Variants in CNOT4 observed in about 807,000 individuals in gnomAD.
CNOT4 encodes the protein CCR4-NOT transcription complex subunit 4.
A neutral mutation model predicts 73.8 loss-of-function variants in CNOT4; 8 were observed. That is an observed-to-expected ratio of 0.11 (90% CI 0.06 to 0.20). The LOEUF is 0.20. Among genes scored for constraint, CNOT4 ranks in the 10% least tolerant of loss-of-function variants. The pLI, the probability that CNOT4 is intolerant of heterozygous loss-of-function variation, is 1.00. For missense variants in CNOT4, 564 were observed against 883.4 expected (o/e 0.64, Z 4.58); for synonymous variants, 293 against 321.1 (o/e 0.91, Z 0.94).
At chr7:135,404,323 T>C (rs113936752) in intron 7 of CNOT4, among the ~76,000 whole-genome samples, 5,288 of 152,296 alleles carry the variant, frequency 0.035, 310 homozygotes, top group African/African-American at 0.12. Flanking sequence ...CACCTGACCA[T>C]AGTTTGAGAA....
chr7:135,364,012 C>T lies in CNOT4; in HGVS notation c.1682G>A (p.Arg561Lys), dbSNP rs1794781304. The T allele has an allele frequency of 6.3e-7, 1 of 1,598,124 alleles. No homozygotes were observed. Among genetic ancestry groups the T allele is most frequent in the African/African-American group, 1.3e-5 (1 of 74,794 alleles). Residue 561 changes from arginine (R) to lysine (K), a missense_variant, in exon 11 of 12, where the codon AGG (arginine) becomes AAG (lysine). This residue lies in a region of CNOT4 where 3 missense variants were observed against 20.0 expected (regional missense o/e 0.15). Transcript: ENST00000541284. The surrounding 1 kb of genome is among the most constrained non-coding windows in gnomAD (Gnocchi z 4.3). ...LNMKEWQDGL[R>K]ALLPNININF... ...GATGTTAATGTTGGGTAGAAGTGCCCTTAGCCCGTCCTGCCATTCCTTCAT... is the reference window on the plus strand; with the variant it reads ...GATGTTAATGTTGGGTAGAAGTGCCTTTAGCCCGTCCTGCCATTCCTTCAT...
chr7:135,363,283 C>T lies in CNOT4; in HGVS notation c.1841-97G>A. 9.5e-7 allele frequency: 1 copy of T among 1,050,736 alleles called. No individual in the cohort carries two copies. Among genetic ancestry groups the T allele is most frequent in the East Asian group, 2.4e-5 (1 of 41,930 alleles). 65.1% of individuals were successfully genotyped at this position (1,050,736 alleles called of 1,614,324 possible). Reference sequence around the variant, plus strand: ...TAGAAAGCAAAACCAAAAGGAAAGACAGAAGAGATTACAATTTTAAACTCC... The same window carrying T: ...TAGAAAGCAAAACCAAAAGGAAAGATAGAAGAGATTACAATTTTAAACTCC... On this transcript the variant is annotated intron_variant, in intron 11 of 11. Coordinates refer to ENST00000541284, the MANE Select transcript of CNOT4 (RefSeq NM_001190850.2). The surrounding 1 kb of genome is among the most constrained non-coding windows in gnomAD (Gnocchi z 4.3).
intron 1 of CNOT4, among the ~76,000 whole-genome samples, chr7:135,439,336 T>C (rs1487589183): frequency 6.6e-6 from 1 of 152,206 alleles, no homozygotes; most frequent in African/African-American, 2.4e-5. Flanking sequence ...AATAAATGCA[T>C]GAGAATCATT....
chr7:135,389,008 G>A (rs1248044227), intron 10 of CNOT4: 3 of 982,662 alleles, frequency 3.1e-6, no homozygotes, highest in Non-Finnish European at 4.4e-6. Context: ...CATGCTTAAT[G>A]TTTGGAATCC....
intron 1 of CNOT4, among the ~76,000 whole-genome samples, chr7:135,492,080 A>G (rs927751728): frequency 6.6e-6 from 1 of 152,192 alleles, no homozygotes; most frequent in African/African-American, 2.4e-5. Flanking sequence ...TGAAGTAGAA[A>G]TCAGGTCCAT....
chr7:135,459,569 G>T (rs184344435), intron 1 of CNOT4, among the ~76,000 whole-genome samples: 2 of 152,316 alleles, frequency 1.3e-5, no homozygotes, highest in East Asian at 3.9e-4. Context: ...TATCCTTGGA[G>T]GACTTGCTCC....
At position 135,508,452 on chromosome 7, in the gene CNOT4, C is replaced by A. The variant is rs577443571; in HGVS notation, c.-93+1437G>T. ...ACAGCTTTGTCATTCTTTTCCCAGC[C>A]CCCTTCTTTTCTATGAGAAAAATAC... On this transcript the variant is annotated intron_variant, in intron 1 of 11. Transcript: ENST00000541284. Among the ~76,000 whole-genome samples the A allele has an allele frequency of 1.8e-4, 28 of 152,296 alleles. 1 individual carries two copies. The highest frequency in any genetic ancestry group is 3.1e-4 in the Non-Finnish European group (21 of 68,022).
chr7:135,376,033 A>T (rs1198772025), intron 10 of CNOT4, among the ~76,000 whole-genome samples: 1 of 152,104 alleles, frequency 6.6e-6, no homozygotes, highest in African/African-American at 2.4e-5. Flanking sequence ...GAGGAAAAAA[A>T]AAAAAGAAAG....
chr7:135,459,925 C>T (rs768318581), intron 1 of CNOT4, among the ~76,000 whole-genome samples: 13 of 152,246 alleles, frequency 8.5e-5, no homozygotes, highest in Non-Finnish European at 1.6e-4. Flanking sequence ...GGACAACTGA[C>T]TACAGTTTCT....
chr7:135,394,088 T>G lies in CNOT4; in HGVS notation c.1457A>C (p.Tyr486Ser). 1 of 1,614,176 alleles carries G rather than the reference T, an allele frequency of 6.2e-7. No homozygotes were observed. Among genetic ancestry groups the G allele is most frequent in the African/African-American group, 1.3e-5 (1 of 75,044 alleles). The change falls in exon 10 of 12, where the codon TAT becomes TCT. Residue 486 changes from tyrosine (Y) to serine (S), a missense_variant. This residue lies in a region of CNOT4 where 153 missense variants were observed against 158.7 expected (regional missense o/e 0.96). Coordinates refer to ENST00000541284, the MANE Select transcript of CNOT4 (RefSeq NM_001190850.2). ...FPQFQQHRAV[Y>S]NSFSFPGQAA... ...CTGGCCTGGAAAACTGAATGAATTA[T>G]AAACCGCTCGGTGCTGCTGAAATTG... is the stretch of plus-strand genomic sequence containing the variant.
At chr7:135,472,559 A>ATATATATATAG (rs1585699249) in intron 1 of CNOT4, among the ~76,000 whole-genome samples, 1 of 104,230 alleles carries the variant, frequency 9.6e-6, no homozygotes, top group African/African-American at 3.6e-5. Context: ...ATATATATAT[A>ATATATATATAG]AAGTGATCCT....
intron 1 of CNOT4, among the ~76,000 whole-genome samples, chr7:135,476,364 A>G (rs1801995111): frequency 1.3e-5 from 2 of 152,202 alleles, no homozygotes; most frequent in Admixed American, 1.3e-4. Flanking sequence ...TTATTAACTG[A>G]CTGCTAAAAA....
At position 135,399,326 on chromosome 7, in the gene CNOT4, C is replaced by T. The variant is rs938840240; in HGVS notation, c.822-1100G>A. ...GGCTATATAGTGCCTAGTGCTCCTA[C>T]GCTGCAAACCTGTACAGCATGTTAC... On this transcript the variant is annotated intron_variant, in intron 7 of 11. Coordinates refer to ENST00000541284, the MANE Select transcript of CNOT4 (RefSeq NM_001190850.2). Among the ~76,000 whole-genome samples, 5 of 152,054 alleles carry T rather than the reference C, an allele frequency of 3.3e-5. 1 individual carries two copies. The South Asian group carries it at 8.3e-4, about 25-fold the overall frequency.
At chr7:135,412,989 A>T (rs188813479) in intron 6 of CNOT4, among the ~76,000 whole-genome samples, 1 of 152,080 alleles carries the variant, frequency 6.6e-6, no homozygotes, top group African/African-American at 2.4e-5. Context: ...GGACACTTGC[A>T]TGGGGAGAAT....
intron 2 of CNOT4, among the ~76,000 whole-genome samples, chr7:135,424,040 AACACAC>A (rs3138785): frequency 0.066 from 9,473 of 144,122 alleles, 319 homozygotes; most frequent in Middle Eastern, 0.11. Context: ...AAACAAACAA[AACACAC>A]ACACACACAC....
chr7:135,382,188 A>G (rs967326960), intron 10 of CNOT4, among the ~76,000 whole-genome samples: 7 of 152,202 alleles, frequency 4.6e-5, no homozygotes, highest in Admixed American at 2.6e-4. Flanking sequence ...CGATTTCTCT[A>G]TAACTCAAAC....
chr7:135,447,098 G>T (rs779895536), intron 1 of CNOT4, among the ~76,000 whole-genome samples: 1 of 140,006 alleles, frequency 7.1e-6, no homozygotes, highest in Non-Finnish European at 1.6e-5. Context: ...TGATGAATAC[G>T]TAAAAGAAAG....
intron 10 of CNOT4, among the ~76,000 whole-genome samples, chr7:135,371,646 A>C (rs1277350637): frequency 6.6e-6 from 1 of 152,218 alleles, no homozygotes; most frequent in Non-Finnish European, 1.5e-5. Flanking sequence ...GTTTTGAAGG[A>C]GAATCAGATT....
chr7:135,444,664 T>A lies in CNOT4; in HGVS notation c.-92-6241A>T. ...TCTCTCCACTGGACTAGCAAGAAGGTTTTCAGTGTTTTGCTCCTGGGTCTG... is the reference window on the plus strand; with the variant it reads ...TCTCTCCACTGGACTAGCAAGAAGGATTTCAGTGTTTTGCTCCTGGGTCTG... On this transcript the variant is annotated intron_variant, in intron 1 of 11. Coordinates refer to ENST00000541284, the MANE Select transcript of CNOT4 (RefSeq NM_001190850.2). 3 of 1,158,284 alleles carry A rather than the reference T, an allele frequency of 2.6e-6. No individual in the cohort carries two copies. In the South Asian group the frequency reaches 3.7e-5, roughly 14 times the overall value. 71.8% of individuals were successfully genotyped at this position (1,158,284 alleles called of 1,614,324 possible).
Sources: gnomAD v4.1 joint callset for allele counts (sites outside exome capture counted in the v4.1 genomes callset) on GRCh38, gnomAD v4.1.1 for gene constraint, gnomAD v4.1.1 regional missense constraint, Gnocchi (gnomAD v3.1) non-coding constraint, MANE v1.5 for transcripts, NCBI Gene and HGNC (gene_info 2026-07-23, HGNC 2026-07-21) for gene names.